MCTP1: variants seen among roughly 807,000 people sequenced by gnomAD.
MCTP1 encodes multiple C2 and transmembrane domain containing 1.
A neutral mutation model predicts 120.6 loss-of-function variants in MCTP1; 69 were observed. The ratio of observed to expected loss-of-function variants is 0.57; its 90% CI spans 0.47 to 0.70. The LOEUF (loss-of-function observed/expected upper bound fraction) is 0.70. Among genes scored for constraint, MCTP1 ranks in the 30% least tolerant of loss-of-function variants. The pLI, the probability that MCTP1 is intolerant of heterozygous loss-of-function variation, is 0.00. For missense variants in MCTP1, 1,203 were observed against 1,248.8 expected (o/e 0.96, Z 0.55); for synonymous variants, 529 against 493.1 (o/e 1.07, Z -0.96).
chr5:95,106,350 G>A (rs949475261), intron 1 of MCTP1, among the ~76,000 whole-genome samples: 6 of 152,194 alleles, frequency 3.9e-5, no homozygotes, highest in Non-Finnish European at 8.8e-5. Context: ...CAGAAGTCTG[G>A]AGCTGCTGGT....
intron 19 of MCTP1, among the ~76,000 whole-genome samples, chr5:94,752,108 A>ATATATAT (rs1768523763): frequency 2.6e-5 from 2 of 75,756 alleles, no homozygotes; most frequent in African/African-American, 7.6e-5. Flanking sequence ...TAAATAATAA[A>ATATATAT]ATATATATAT....
rs930169810 is a variant in MCTP1, at chr5:94,895,980, TGAG to T, written c.1653-1148_1653-1146del. Among the ~76,000 whole-genome samples the T allele has an allele frequency of 7.2e-5, 11 of 152,276 alleles. No homozygotes were observed. In the South Asian group the frequency reaches 1.5e-3, roughly 20 times the overall value. On this transcript the variant is annotated intron_variant, in intron 10 of 22. Coordinates refer to ENST00000515393, the MANE Select transcript of MCTP1 (RefSeq NM_024717.7). ...ACTTAAATGCTAACTCCTGAGAAAT[TGAG>T]AGATTACAGTCTGTACAAGTCTGGA...
intron 8 of MCTP1, among the ~76,000 whole-genome samples, chr5:94,917,155 T>C (rs1179624289): frequency 6.6e-6 from 1 of 152,200 alleles, no homozygotes; most frequent in Non-Finnish European, 1.5e-5. Flanking sequence ...CACATATTTA[T>C]TGAAGTGTTG....
At chr5:95,165,928 C>T (rs1380086780) in intron 1 of MCTP1, among the ~76,000 whole-genome samples, 1 of 152,112 alleles carries the variant, frequency 6.6e-6, no homozygotes, top group Admixed American at 6.5e-5. Flanking sequence ...TTGTCATAAC[C>T]ACAGTAATAT....
intron 1 of MCTP1, among the ~76,000 whole-genome samples, chr5:95,271,562 G>T (rs551281351): frequency 6.6e-6 from 1 of 152,140 alleles, no homozygotes; most frequent in African/African-American, 2.4e-5. Context: ...GTCAGGCCAT[G>T]CTTGAAAACA....
intron 1 of MCTP1, 51 bp downstream of exon 1, chr5:95,283,804 AG>A: frequency 7.7e-7 from 1 of 1,297,958 alleles, no homozygotes; most frequent in Non-Finnish European, 9.8e-7. Flanking sequence ...ACGCCTGAAG[AG>A]GGAGGCGTGG....
At chr5:94,762,144 T>G (rs1771500681) in intron 19 of MCTP1, among the ~76,000 whole-genome samples, 1 of 152,206 alleles carries the variant, frequency 6.6e-6, no homozygotes, top group Non-Finnish European at 1.5e-5. Flanking sequence ...TTTGAGGAGT[T>G]TGTTATGCCA....
At chr5:95,168,267 G>A (rs1232117599) in intron 1 of MCTP1, among the ~76,000 whole-genome samples, 1 of 152,202 alleles carries the variant, frequency 6.6e-6, no homozygotes, top group South Asian at 2.1e-4. Flanking sequence ...CTCTGTTTTG[G>A]TACCAGTACC....
intron 17 of MCTP1, among the ~76,000 whole-genome samples, chr5:94,814,965 C>A (rs575072913): frequency 6.6e-6 from 1 of 152,246 alleles, no homozygotes; most frequent in South Asian, 2.1e-4. Flanking sequence ...TGTCTGTCGC[C>A]AAGTTACCTA....
intron 11 of MCTP1, 148 bp downstream of exon 11, chr5:94,894,501 G>A: frequency 1.9e-6 from 1 of 518,308 alleles, no homozygotes; most frequent in Admixed American, 3.2e-5. Context: ...GCAAAGGTCT[G>A]TGTGGCATTT....
At position 94,940,116 on chromosome 5, in the gene MCTP1, G is replaced by C; in HGVS notation, c.1141C>G (p.Leu381Val). ...CTGGACTCTCCTTCTTTAGGGGTAA[G>C]GATGACTGAGAGCAAAATGATTCCA... ...DLGIILLSVILTPKEGESRDV... is the reference protein window; with the variant it reads ...DLGIILLSVIVTPKEGESRDV... Residue 381 changes from leucine to valine, a missense_variant, in exon 5 of 23, where the codon CTT becomes GTT. By Grantham distance (32) the Leu-to-Val change is conservative. Transcript: ENST00000515393. 1.9e-6 allele frequency: 3 copies of C among 1,608,808 alleles called. No homozygotes were observed. The highest frequency in any genetic ancestry group is 2.6e-6 in the Non-Finnish European group (3 of 1,176,236).
intron 22 of MCTP1, chr5:94,708,154 CTTTT>C (rs913915745): frequency 6.2e-6 from 1 of 161,158 alleles, no homozygotes; most frequent in Admixed American, 6.3e-5. Flanking sequence ...TCTGGAAAGA[CTTTT>C]TTTTCTTAAA....
intron 2 of MCTP1, among the ~76,000 whole-genome samples, chr5:94,968,858 G>A (rs908341441): frequency 1.3e-5 from 2 of 152,100 alleles, no homozygotes; most frequent in Non-Finnish European, 2.9e-5. Context: ...TTTTTATGAC[G>A]ATAAATGAAT....
chr5:94,954,148 AT>A (rs1561918641), intron 2 of MCTP1, among the ~76,000 whole-genome samples: 105 of 5,958 alleles, frequency 0.018, 24 homozygotes, highest in African/African-American at 0.04. Context: ...ATATATATAC[AT>A]ATATATATGC....
intron 10 of MCTP1, among the ~76,000 whole-genome samples, chr5:94,902,096 A>G (rs2153421388): frequency 6.6e-6 from 1 of 152,316 alleles, no homozygotes; most frequent in East Asian, 1.9e-4. Context: ...AAGTGGATTT[A>G]GAGATTATAT....
intron 19 of MCTP1, among the ~76,000 whole-genome samples, chr5:94,727,768 T>G (rs185285730): frequency 2.6e-5 from 4 of 152,276 alleles, no homozygotes; most frequent in African/African-American, 4.8e-5. Context: ...GGGCTTTTAT[T>G]TCTCAATTTC....
chr5:94,911,180 A>C (rs1382356752), intron 9 of MCTP1, among the ~76,000 whole-genome samples: 2 of 152,192 alleles, frequency 1.3e-5, no homozygotes, highest in African/African-American at 2.4e-5. Flanking sequence ...AAATCTATAG[A>C]GATTATGACA....
intron 2 of MCTP1, among the ~76,000 whole-genome samples, chr5:94,987,414 T>C (rs1376257580): frequency 6.6e-6 from 1 of 152,192 alleles, no homozygotes; most frequent in African/African-American, 2.4e-5. Flanking sequence ...GCTCGTGGAA[T>C]TGATTATCTA....
intron 3 of MCTP1, among the ~76,000 whole-genome samples, chr5:94,947,917 T>C (rs992351184): frequency 6.6e-6 from 1 of 151,706 alleles, no homozygotes; most frequent in African/African-American, 2.4e-5. Context: ...CCACTAATAA[T>C]ATTTGAAACC....
Sources: gnomAD v4.1 joint callset for allele counts (sites outside exome capture counted in the v4.1 genomes callset) on GRCh38, gnomAD v4.1.1 for gene constraint, MANE v1.5 for transcripts, NCBI Gene and HGNC (gene_info 2026-07-23, HGNC 2026-07-21) for gene names.